The following RAD9B variants were observed in gnomAD, a reference collection of about 807,000 sequenced individuals.
RAD9B encodes RAD9 checkpoint clamp component B.
In RAD9B, 41 loss-of-function variants were observed where a neutral mutation model predicts 48.3. That is an observed-to-expected ratio of 0.85 (90% CI 0.66 to 1.10). RAD9B has a LOEUF of 1.10. Among genes scored for constraint, RAD9B ranks in the 50% least tolerant of loss-of-function variants. The pLI is 0.00. For missense variants in RAD9B, 444 were observed against 485.1 expected (o/e 0.92, Z 0.80); for synonymous variants, 160 against 157.9 (o/e 1.01, Z -0.10).
At chr12:110,503,773 G>T (rs746973054) in intron 1 of RAD9B, 33 bp from the exon 2 acceptor site, 2 of 1,493,486 alleles carry the variant, frequency 1.3e-6, no homozygotes, top group Admixed American at 3.5e-5. Flanking sequence ...TAGAGGGAAA[G>T]AATATAAGCA....
At position 110,530,896 on chromosome 12, in the gene RAD9B, A is replaced by G; in HGVS notation, c.*243A>G. Reference sequence around the variant, plus strand: ...AGGCAGAAGAGTTTTCTGTGAAGGAAAAAAGCCCATTAGAGTTCTTCAATT... The same window carrying G: ...AGGCAGAAGAGTTTTCTGTGAAGGAGAAAAGCCCATTAGAGTTCTTCAATT... On this transcript the variant is annotated 3_prime_UTR_variant, in exon 11 of 11. Transcript: ENST00000409300. The G allele has an allele frequency of 1.2e-5, 15 of 1,237,122 alleles. No individual in the cohort carries two copies. Among genetic ancestry groups the G allele is most frequent in the Non-Finnish European group, 1.4e-5 (14 of 983,310 alleles). The allele number at this position is 1,237,122 out of a possible 1,614,324, so 76.6% of individuals were successfully genotyped here.
chr12:110,512,915 A>C lies in RAD9B; in HGVS notation c.488+37A>C, dbSNP rs140351680. 1,900 of 996,626 alleles carry C rather than the reference A, an allele frequency of 1.9e-3. 22 individuals carry two copies. The highest frequency in any genetic ancestry group is 2.2e-3 in the East Asian group (89 of 41,132). 61.7% of individuals were successfully genotyped at this position (996,626 alleles called of 1,614,324 possible). On this transcript the variant is annotated intron_variant, in intron 5 of 10. Coordinates refer to ENST00000409300, the MANE Select transcript of RAD9B (RefSeq NM_001286535.2). ...TCTGTTGTCAGTTTTTTTCACCTGA[A>C]TACAGTATGATCATGGAGTGAAGAA... is the stretch of plus-strand genomic sequence containing the variant.
At chr12:110,504,781 G>T (rs572373276) in intron 2 of RAD9B, among the ~76,000 whole-genome samples, 1 of 152,196 alleles carries the variant, frequency 6.6e-6, no homozygotes, top group South Asian at 2.1e-4. Context: ...AGGATCACTT[G>T]AGCCCAGGAG....
intron 4 of RAD9B, chr12:110,511,318 G>A (rs150705022): frequency 5.4e-4 from 98 of 183,120 alleles, no homozygotes; most frequent in African/African-American, 2.1e-3. Flanking sequence ...GCAAAGTTAC[G>A]GAATCAAGCT....
chr12:110,504,361 C>T (rs1279668503), intron 2 of RAD9B, among the ~76,000 whole-genome samples: 3 of 150,458 alleles, frequency 2.0e-5, no homozygotes, highest in Admixed American at 6.7e-5. Context: ...CCCAGCTACT[C>T]GGGAGGCTGA....
intron 10 of RAD9B, 129 bp downstream of exon 10, chr12:110,522,540 A>T: frequency 1.5e-6 from 1 of 664,478 alleles, no homozygotes; most frequent in East Asian, 2.7e-5. Flanking sequence ...ATAGGGGAAA[A>T]GTGAAGCTAG....
intron 4 of RAD9B, among the ~76,000 whole-genome samples, chr12:110,508,648 GTCAGGGTCTCGTCATGTT>G (rs1468872002): frequency 6.6e-6 from 1 of 152,198 alleles, no homozygotes; most frequent in Non-Finnish European, 1.5e-5. Context: ...TTTTTGTAGA[GTCAGGGTCTCGTCATGTT>G]GCCCAGGCTG....
chr12:110,504,094 A>G, intron 2 of RAD9B, among the ~76,000 whole-genome samples: 1 of 152,134 alleles, frequency 6.6e-6, no homozygotes. Flanking sequence ...ACTGGTAGTT[A>G]AGAGACTAGC....
At chr12:110,502,556 G>C in intron 1 of RAD9B, 173 bp downstream of exon 1, 1 of 680,222 alleles carries the variant, frequency 1.5e-6, no homozygotes, top group South Asian at 1.8e-5. Context: ...AGGGGAGGAT[G>C]AGGACCCATC....
At chr12:110,529,607 G>T (rs564471606) in intron 10 of RAD9B, among the ~76,000 whole-genome samples, 185 of 151,868 alleles carry the variant, frequency 1.2e-3, no homozygotes, top group African/African-American at 4.3e-3. Flanking sequence ...AAAAAAGGCT[G>T]CGCATGGTTG....
intron 10 of RAD9B, among the ~76,000 whole-genome samples, chr12:110,527,782 G>T (rs559793520): frequency 6.6e-6 from 1 of 152,314 alleles, no homozygotes; most frequent in East Asian, 1.9e-4. Context: ...CAGGGTGCTT[G>T]GAGAAGATTT....
At chr12:110,527,109 C>T (rs532474479) in intron 10 of RAD9B, among the ~76,000 whole-genome samples, 1 of 152,138 alleles carries the variant, frequency 6.6e-6, no homozygotes, top group South Asian at 2.1e-4. Context: ...AGCTGTGTTC[C>T]CTTCAGGAGA....
At chr12:110,505,800 T>A in intron 3 of RAD9B, 28 bp downstream of exon 3, 3 of 1,588,598 alleles carry the variant, frequency 1.9e-6, no homozygotes, top group Non-Finnish European at 1.7e-6. Context: ...TGGTTTTCTC[T>A]TATTCTGTAG....
chr12:110,532,417 T>C lies in RAD9B; in HGVS notation c.*1764T>C, dbSNP rs2064164392. On this transcript the variant is annotated 3_prime_UTR_variant, in exon 11 of 11. Coordinates refer to ENST00000409300, the MANE Select transcript of RAD9B (RefSeq NM_001286535.2). Reference sequence around the variant, plus strand: ...TGCAGCATTGGACTATTATTATAGTTAATACTGGCGGGGTGTAGTGGCTCA... The same window carrying C: ...TGCAGCATTGGACTATTATTATAGTCAATACTGGCGGGGTGTAGTGGCTCA... 6.6e-6 allele frequency among the ~76,000 whole-genome samples: 1 copy of C among 152,204 alleles called. No homozygotes were observed. The highest frequency in any genetic ancestry group is 2.1e-4 in the South Asian group (1 of 4,834).
intron 6 of RAD9B, among the ~76,000 whole-genome samples, chr12:110,517,369 A>T (rs1479967224): frequency 2.0e-5 from 3 of 151,792 alleles, no homozygotes; most frequent in Non-Finnish European, 4.4e-5. Flanking sequence ...TCATGCCTGT[A>T]ATCCCAGAAC....
intron 4 of RAD9B, among the ~76,000 whole-genome samples, chr12:110,512,065 T>C (rs1354328918): frequency 6.6e-6 from 1 of 151,792 alleles, no homozygotes; most frequent in African/African-American, 2.4e-5. Context: ...CAGGATTGTG[T>C]CTATCTCCTG....
At chr12:110,526,128 G>A (rs751494772) in intron 10 of RAD9B, among the ~76,000 whole-genome samples, 14 of 152,272 alleles carry the variant, frequency 9.2e-5, no homozygotes, top group Middle Eastern at 3.4e-3. Context: ...GAGCCACCCC[G>A]CCTGGCCTGC....
chr12:110,509,767 G>A (rs1442868981), intron 4 of RAD9B, among the ~76,000 whole-genome samples: 1 of 152,090 alleles, frequency 6.6e-6, no homozygotes, highest in Non-Finnish European at 1.5e-5. Flanking sequence ...TTGTTATACA[G>A]GTATAAACAC....
chr12:110,514,916 GT>G, intron 5 of RAD9B, 133 bp from the exon 6 acceptor site: 1 of 571,544 alleles, frequency 1.7e-6, no homozygotes, highest in East Asian at 3.0e-5. Context: ...GAAGGTAGGA[GT>G]TTGGGTAAAT....
Sources: allele counts gnomAD v4.1 joint callset (sites outside exome capture counted in the v4.1 genomes callset), GRCh38; gene constraint gnomAD v4.1.1; transcripts MANE v1.5; gene names NCBI Gene and HGNC (gene_info 2026-07-23, HGNC 2026-07-21).